Variants in AATF observed in about 807,000 individuals in gnomAD.
AATF encodes apoptosis antagonizing transcription factor, also known as protein AATF.
AATF carries 48 observed loss-of-function variants against 63.7 expected under a neutral mutation model. The observed-to-expected ratio is 0.75, with a 90% CI of 0.60 to 0.96. The LOEUF (loss-of-function observed/expected upper bound fraction) is 0.96. Among genes scored for constraint, AATF ranks in the 40% least tolerant of loss-of-function variants. The probability of loss-of-function intolerance (pLI) is 0.00; values close to 1 mark genes in which losing one functional copy is unlikely to be tolerated. For missense variants in AATF, 639 were observed against 685.7 expected (o/e 0.93, Z 0.76); for synonymous variants, 258 against 247.7 (o/e 1.04, Z -0.39).
chr17:37,036,157 A>T (rs766638781), intron 11 of AATF, among the ~76,000 whole-genome samples: 3 of 152,094 alleles, frequency 2.0e-5, no homozygotes, highest in Non-Finnish European at 4.4e-5. Context: ...TCCCAGAGGC[A>T]CCTCCGCTTA....
chr17:36,976,102 G>GT (rs1567970629), intron 4 of AATF, among the ~76,000 whole-genome samples: 1 of 151,940 alleles, frequency 6.6e-6, no homozygotes, highest in African/African-American at 2.4e-5. Flanking sequence ...TCTCACTTGT[G>GT]TTTTTTATCA....
At chr17:37,055,926 G>A (rs2071794622) in intron 11 of AATF, 1 of 152,376 alleles carries the variant, frequency 6.6e-6, no homozygotes, top group Admixed American at 6.5e-5. Flanking sequence ...CTTGACACAT[G>A]GCTTTGGCCG....
At chr17:36,977,976 A>G (rs914926134) in intron 4 of AATF, among the ~76,000 whole-genome samples, 1 of 152,174 alleles carries the variant, frequency 6.6e-6, no homozygotes, top group African/African-American at 2.4e-5. Flanking sequence ...GGTATTTGAG[A>G]GAGTATTCAG....
intron 8 of AATF, among the ~76,000 whole-genome samples, chr17:37,004,136 C>T (rs910877430): frequency 7.9e-5 from 12 of 151,628 alleles, no homozygotes; most frequent in African/African-American, 2.9e-4. Context: ...TCAAGACCAG[C>T]CTGGCCAACA....
At chr17:36,996,050 T>C (rs1397520539) in intron 8 of AATF, among the ~76,000 whole-genome samples, 2 of 152,238 alleles carry the variant, frequency 1.3e-5, no homozygotes, top group Non-Finnish European at 2.9e-5. Context: ...ATTTGAGATC[T>C]GGATAGTGTT....
At chr17:36,952,831 G>C in intron 2 of AATF, 55 bp from the exon 3 acceptor site, 1 of 1,570,922 alleles carries the variant, frequency 6.4e-7, no homozygotes, top group Non-Finnish European at 8.6e-7. Flanking sequence ...TCTATGGCTT[G>C]GTATTTTCTC....
intron 4 of AATF, among the ~76,000 whole-genome samples, chr17:36,984,801 G>T (rs1339523133): frequency 6.6e-6 from 1 of 151,312 alleles, no homozygotes; most frequent in Non-Finnish European, 1.5e-5. Context: ...AAACCGGCTA[G>T]TTTTTAAAAA....
intron 8 of AATF, among the ~76,000 whole-genome samples, chr17:37,007,507 A>G (rs2071351613): frequency 6.6e-6 from 1 of 151,582 alleles, no homozygotes; most frequent in African/African-American, 2.4e-5. Context: ...CCCAGCCCTT[A>G]GAAATATTAT....
chr17:37,012,936 G>T (rs891143478), intron 8 of AATF, among the ~76,000 whole-genome samples: 1 of 152,054 alleles, frequency 6.6e-6, no homozygotes, highest in Non-Finnish European at 1.5e-5. Context: ...CATGACCTTG[G>T]GTTAGGCAAT....
rs187849448 is a variant in AATF at position 36,978,805 on chromosome 17, C to A, written c.833-7812C>A. ...CAGTCCTCTGTCTTACTGGTAACGC[C>A]ATTCTGCTTGGGGAATATAGAACAA... is the stretch of plus-strand genomic sequence containing the variant. On this transcript the variant is annotated intron_variant, in intron 4 of 11. Coordinates refer to ENST00000619387, the MANE Select transcript of AATF (RefSeq NM_012138.4). 2.0e-5 allele frequency among the ~76,000 whole-genome samples: 3 copies of A among 151,718 alleles called. No homozygotes were observed. In the East Asian group the frequency reaches 5.8e-4, roughly 29 times the overall value.
At chr17:37,024,391 T>C (rs569073403) in intron 10 of AATF, among the ~76,000 whole-genome samples, 2 of 152,348 alleles carry the variant, frequency 1.3e-5, no homozygotes, top group South Asian at 4.1e-4. Context: ...TTAATTTGTT[T>C]TGGCAGAGAC....
intron 4 of AATF, among the ~76,000 whole-genome samples, chr17:36,968,475 T>C (rs973526604): frequency 2.3e-4 from 35 of 151,600 alleles, no homozygotes; most frequent in African/African-American, 7.3e-4. Context: ...GAGGTTTTGC[T>C]GTGTTGGCCA....
chr17:37,037,130 T>C (rs2071599732), intron 11 of AATF, among the ~76,000 whole-genome samples: 1 of 151,134 alleles, frequency 6.6e-6, no homozygotes, highest in Non-Finnish European at 1.5e-5. Flanking sequence ...TGCCTCAGCC[T>C]CCCGAGTAGC....
chr17:37,002,128 G>C (rs1183736038), intron 8 of AATF, among the ~76,000 whole-genome samples: 2 of 151,348 alleles, frequency 1.3e-5, no homozygotes, highest in Non-Finnish European at 2.9e-5. Context: ...CTTGAACCTG[G>C]GAGGTGGAGG....
At chr17:36,958,024 G>A (rs1177939826) in intron 4 of AATF, among the ~76,000 whole-genome samples, 1 of 152,192 alleles carries the variant, frequency 6.6e-6, no homozygotes, top group African/African-American at 2.4e-5. Context: ...AACTTGAACT[G>A]TGGAAGTGAT....
intron 4 of AATF, among the ~76,000 whole-genome samples, chr17:36,954,198 C>A (rs1257632901): frequency 6.6e-6 from 1 of 151,664 alleles, no homozygotes; most frequent in Non-Finnish European, 1.5e-5. Context: ...GATCCTCCCA[C>A]CTTAGCCTTC....
chr17:36,953,112 T>TGAG lies in AATF; in HGVS notation c.519_521dup (p.Glu174dup), dbSNP rs1372214021. On this transcript the variant is annotated inframe_insertion, in exon 3 of 12. Coordinates refer to ENST00000619387, the MANE Select transcript of AATF (RefSeq NM_012138.4). ...AGGGAATGGATGACCTTGGGAGCAG[T>TGAG]GAGGAGGAGGAAGACGAAGAGAGTG... The TGAG allele has an allele frequency of 6.2e-7, 1 of 1,613,532 alleles. No individual in the cohort carries two copies. Among genetic ancestry groups the TGAG allele is most frequent in the African/African-American group, 1.3e-5 (1 of 74,706 alleles).
chr17:36,989,183 C>A, intron 6 of AATF, 64 bp from the exon 7 acceptor site: 1 of 1,510,600 alleles, frequency 6.6e-7, no homozygotes, highest in Non-Finnish European at 8.9e-7. Flanking sequence ...GATAGAGAAA[C>A]CAATGTAGCT....
intron 8 of AATF, among the ~76,000 whole-genome samples, chr17:37,008,069 G>A (rs1345922831): frequency 2.6e-5 from 4 of 152,184 alleles, no homozygotes; most frequent in Admixed American, 6.5e-5. Flanking sequence ...TGTTACCTAT[G>A]TTTGAAAATC....
Sources: gnomAD v4.1 joint callset for allele counts (sites outside exome capture counted in the v4.1 genomes callset) on GRCh38, gnomAD v4.1.1 for gene constraint, MANE v1.5 for transcripts, NCBI Gene and HGNC (gene_info 2026-07-23, HGNC 2026-07-21) for gene names.